ARB2A: variants seen among roughly 807,000 people sequenced by gnomAD.
The protein encoded by ARB2A is cotranscriptional regulator ARB2A.
the ARB2A span, among the ~76,000 whole-genome samples, chr5:94,106,229 A>G: frequency 6.6e-6 from 1 of 152,068 alleles, no homozygotes; most frequent in Non-Finnish European, 1.5e-5. Context: ...TTCGCAAACT[A>G]TGCATCCTAC....
At chr5:93,645,746 T>C in the ARB2A span, among the ~76,000 whole-genome samples, 1 of 152,200 alleles carries the variant, frequency 6.6e-6, no homozygotes, top group African/African-American at 2.4e-5. Flanking sequence ...TTGTATTTTA[T>C]ACATGCAAGA....
At chr5:93,887,124 G>T in the ARB2A span, among the ~76,000 whole-genome samples, 1 of 151,672 alleles carries the variant, frequency 6.6e-6, no homozygotes, top group African/African-American at 2.4e-5. Flanking sequence ...AAGGTCAAAG[G>T]TTATATGGTA....
the ARB2A span, among the ~76,000 whole-genome samples, chr5:93,886,150 C>T: frequency 2.0e-5 from 3 of 151,720 alleles, no homozygotes; most frequent in African/African-American, 7.3e-5. Context: ...AATTTACCTA[C>T]TCATTACCAA....
At chr5:93,902,837 A>G in the ARB2A span, among the ~76,000 whole-genome samples, 5 of 152,106 alleles carry the variant, frequency 3.3e-5, no homozygotes, top group Non-Finnish European at 5.9e-5. Context: ...TCATGCAACT[A>G]GAAATATCAG....
chr5:93,677,087 A>G, the ARB2A span, among the ~76,000 whole-genome samples: 1 of 152,226 alleles, frequency 6.6e-6, no homozygotes, highest in African/African-American at 2.4e-5. Flanking sequence ...GATGACCTGC[A>G]ATGATCTGCT....
chr5:93,755,685 C>T, the ARB2A span, among the ~76,000 whole-genome samples: 3 of 152,084 alleles, frequency 2.0e-5, no homozygotes, highest in Admixed American at 6.5e-5. Flanking sequence ...TCTGGAGAGC[C>T]GAGTGAAATA....
At chr5:93,857,965 A>G in the ARB2A span, among the ~76,000 whole-genome samples, 1 of 152,208 alleles carries the variant, frequency 6.6e-6, no homozygotes. Flanking sequence ...AAATCTTTAA[A>G]GTGACTTCAC....
chr5:93,994,250 A>T, the ARB2A span, among the ~76,000 whole-genome samples: 1 of 152,218 alleles, frequency 6.6e-6, no homozygotes, highest in Non-Finnish European at 1.5e-5. Context: ...AATAGCCAAG[A>T]TATGTAAATA....
At chr5:93,667,317 C>T in the ARB2A span, among the ~76,000 whole-genome samples, 1 of 151,922 alleles carries the variant, frequency 6.6e-6, no homozygotes, top group Admixed American at 6.5e-5. Flanking sequence ...TCAAAATTTG[C>T]ATTTTCCTTA....
chr5:94,100,426 T>A, the ARB2A span, among the ~76,000 whole-genome samples: 1 of 152,100 alleles, frequency 6.6e-6, no homozygotes, highest in Non-Finnish European at 1.5e-5. Context: ...TTCACAGAAC[T>A]AGAAAAAATT....
At chr5:93,833,252 G>A in the ARB2A span, among the ~76,000 whole-genome samples, 1 of 152,076 alleles carries the variant, frequency 6.6e-6, no homozygotes, top group Admixed American at 6.5e-5. Flanking sequence ...AATTAACAAT[G>A]CTAGTGTTAT....
chr5:93,690,437 G>A, the ARB2A span, among the ~76,000 whole-genome samples: 1 of 152,114 alleles, frequency 6.6e-6, no homozygotes, highest in African/African-American at 2.4e-5. Context: ...AAAGATGCCG[G>A]GAAGTTCAAA....
At chr5:93,984,411 A>G in the ARB2A span, among the ~76,000 whole-genome samples, 6 of 152,220 alleles carry the variant, frequency 3.9e-5, no homozygotes, top group African/African-American at 1.2e-4. Context: ...GCTTTCATCA[A>G]AAGACTTTAA....
the ARB2A span, among the ~76,000 whole-genome samples, chr5:94,054,490 A>T: frequency 6.6e-6 from 1 of 152,188 alleles, no homozygotes; most frequent in Non-Finnish European, 1.5e-5. Context: ...TGGAAAGAAT[A>T]TCACTGAGGT....
the ARB2A span, among the ~76,000 whole-genome samples, chr5:94,023,224 CTG>C: frequency 3.3e-5 from 5 of 152,220 alleles, no homozygotes; most frequent in Non-Finnish European, 7.3e-5. Context: ...AGTTCTATAT[CTG>C]TGTAATCTTA....
At chr5:93,801,289 T>G in the ARB2A span, among the ~76,000 whole-genome samples, 1 of 152,126 alleles carries the variant, frequency 6.6e-6, no homozygotes, top group African/African-American at 2.4e-5. Context: ...TGAGAACCAA[T>G]AGCTCCAACC....
chr5:94,073,142 C>T, the ARB2A span, among the ~76,000 whole-genome samples: 1 of 152,036 alleles, frequency 6.6e-6, no homozygotes, highest in Admixed American at 6.6e-5. Context: ...TATCATAGCT[C>T]GGTTTTGAAT....
chr5:93,858,955 A>C, the ARB2A span, among the ~76,000 whole-genome samples: 5 of 152,296 alleles, frequency 3.3e-5, no homozygotes, highest in East Asian at 9.6e-4. Flanking sequence ...GTGAGTGAGG[A>C]AGGAAGAGGA....
chr5:93,819,054 C>T, the ARB2A span, among the ~76,000 whole-genome samples: 1 of 151,350 alleles, frequency 6.6e-6, no homozygotes. Context: ...GGCATGGTGG[C>T]GCGTGCCTGT....
Sources: gnomAD v4.1 joint callset for allele counts (sites outside exome capture counted in the v4.1 genomes callset) on GRCh38, gnomAD v4.1.1 for gene constraint, MANE v1.5 for transcripts, NCBI Gene and HGNC (gene_info 2026-07-23, HGNC 2026-07-21) for gene names.